Variants in OPN5 observed in about 807,000 individuals in gnomAD.
The protein encoded by OPN5 is opsin 5, also known as opsin-5.
Under a neutral mutation model 41.7 loss-of-function variants are expected in OPN5, and 18 were observed. The ratio of observed to expected loss-of-function variants is 0.43; its 90% CI spans 0.30 to 0.64. OPN5 has a LOEUF of 0.64. OPN5 is among the 30% of genes least tolerant of loss of function. The pLI is 0.13. For missense variants in OPN5, 318 were observed against 434.5 expected, an observed-to-expected ratio of 0.73 and a Z score of 2.38; for synonymous variants, 178 against 164.3, an observed-to-expected ratio of 1.08 and a Z score of -0.64.
chr6:47,814,120 A>T (rs970386260), intron 6 of OPN5, among the ~76,000 whole-genome samples: 1 of 152,102 alleles, frequency 6.6e-6, no homozygotes, highest in African/African-American at 2.4e-5. Flanking sequence ...TAAAAGAGAA[A>T]TTGCTGGTTT....
At position 47,784,905 on chromosome 6, in the gene OPN5, T is replaced by C. The variant is rs1409421479; in HGVS notation, c.131-1610T>C. 2.6e-5 allele frequency among the ~76,000 whole-genome samples: 4 copies of C among 152,200 alleles called. No homozygotes were observed. The East Asian group carries it at 5.8e-4, about 22-fold the overall frequency. On this transcript the variant is annotated intron_variant, in intron 1 of 6. Transcript: ENST00000371211. The stretch of plus-strand genomic sequence containing the variant: ...CTTCTTAATCTGGTTGTCTTTTCAG[T>C]AATATTAAGAATAAATTTGCTTTTT...
intron 6 of OPN5, among the ~76,000 whole-genome samples, chr6:47,820,818 C>T (rs960703851): frequency 9.9e-5 from 15 of 152,110 alleles, no homozygotes; most frequent in African/African-American, 3.4e-4. Flanking sequence ...ACTGATCAGC[C>T]ATGTAGTTGA....
chr6:47,808,390 C>T, exon 5 of OPN5: 1 of 1,613,988 alleles, frequency 6.2e-7, no homozygotes. Context: ...CTCTGGAAGG[C>T]TTCAGGTAAA....
chr6:47,814,849 T>C (rs1762384126), intron 6 of OPN5, among the ~76,000 whole-genome samples: 1 of 152,170 alleles, frequency 6.6e-6, no homozygotes. Context: ...CCTGTTCTCC[T>C]TTGGGTTCTC....
intron 6 of OPN5, among the ~76,000 whole-genome samples, chr6:47,818,865 T>C (rs1036445479): frequency 6.6e-6 from 1 of 152,086 alleles, no homozygotes; most frequent in Non-Finnish European, 1.5e-5. Context: ...GTATTGAGGC[T>C]GAGCAAATAT....
chr6:47,788,786 G>C (rs535614869), intron 2 of OPN5, among the ~76,000 whole-genome samples: 48 of 119,636 alleles, frequency 4.0e-4, no homozygotes, highest in Non-Finnish European at 7.2e-4. Flanking sequence ...GGATAAAGTC[G>C]TGTTATATTA....
At chr6:47,824,166 C>A in exon 7 of OPN5, 2 of 615,678 alleles carry the variant, frequency 3.2e-6, no homozygotes, top group Non-Finnish European at 5.8e-6. Context: ...TAGGAGTATC[C>A]AAGTATCTTA....
intron 6 of OPN5, among the ~76,000 whole-genome samples, chr6:47,817,465 A>G (rs1042230839): frequency 2.0e-5 from 3 of 151,910 alleles, no homozygotes; most frequent in Non-Finnish European, 2.9e-5. Flanking sequence ...AGGAGTTTAA[A>G]CTCGTTAATG....
chr6:47,806,924 G>T (rs1253985674), intron 4 of OPN5, among the ~76,000 whole-genome samples: 1 of 152,150 alleles, frequency 6.6e-6, no homozygotes. Context: ...TTGGGAAGCC[G>T]AGGTGGGTGG....
chr6:47,809,956 G>T (rs559355992), intron 5 of OPN5, among the ~76,000 whole-genome samples: 1 of 152,282 alleles, frequency 6.6e-6, no homozygotes, highest in Admixed American at 6.5e-5. Context: ...TCGTAATTTT[G>T]CCTCAGACTG....
intron 3 of OPN5, 117 bp from the exon 4 acceptor site, chr6:47,795,112 C>T (rs1773499991): frequency 3.6e-6 from 3 of 823,936 alleles, no homozygotes; most frequent in Non-Finnish European, 3.7e-6. Flanking sequence ...AGTTATCTGC[C>T]CAGGTCTCCC....
At chr6:47,801,324 T>C (rs1386053144) in intron 4 of OPN5, among the ~76,000 whole-genome samples, 3 of 152,260 alleles carry the variant, frequency 2.0e-5, no homozygotes, top group Non-Finnish European at 4.4e-5. Flanking sequence ...ACTCTGGCTC[T>C]AGGGCCTCTG....
At chr6:47,790,397 C>G (rs1274596991) in intron 2 of OPN5, among the ~76,000 whole-genome samples, 2 of 146,812 alleles carry the variant, frequency 1.4e-5, no homozygotes, top group African/African-American at 4.8e-5. Flanking sequence ...GGGACACTCT[C>G]TCTCTCTTTC....
At chr6:47,791,619 A>C (rs747156694) in intron 2 of OPN5, among the ~76,000 whole-genome samples, 183 bp from the exon 3 acceptor site, 7 of 152,178 alleles carry the variant, frequency 4.6e-5, no homozygotes, top group Non-Finnish European at 7.3e-5. Context: ...GGTAGCTTCA[A>C]ACTGAGTTTA....
At chr6:47,800,889 A>G (rs1454685617) in intron 4 of OPN5, among the ~76,000 whole-genome samples, 1 of 152,212 alleles carries the variant, frequency 6.6e-6, no homozygotes, top group Admixed American at 6.5e-5. Flanking sequence ...TCTAAATATT[A>G]TTATGCTATA....
At chr6:47,815,345 G>A (rs1762398637) in intron 6 of OPN5, among the ~76,000 whole-genome samples, 1 of 151,908 alleles carries the variant, frequency 6.6e-6, no homozygotes, top group African/African-American at 2.4e-5. Flanking sequence ...ACAAATCTAC[G>A]AATAAAAATG....
chr6:47,792,085 C>T, intron 3 of OPN5, 113 bp downstream of exon 3: 1 of 706,516 alleles, frequency 1.4e-6, no homozygotes, highest in Non-Finnish European at 2.3e-6. Context: ...CCTCAGAGAT[C>T]AAGAATATTT....
chr6:47,813,068 A>AAAC (rs70999651), intron 6 of OPN5, among the ~76,000 whole-genome samples: 12,974 of 139,086 alleles, frequency 0.093, 639 homozygotes, highest in Admixed American at 0.18. Flanking sequence ...TCTATGATTA[A>AAAC]AACAACAACA....
intron 6 of OPN5, among the ~76,000 whole-genome samples, chr6:47,818,722 G>A (rs988483634): frequency 1.3e-5 from 2 of 152,170 alleles, no homozygotes; most frequent in East Asian, 1.9e-4. Context: ...TTTCGGTATT[G>A]TTAGATGAGA....
Sources: allele counts gnomAD v4.1 joint callset (sites outside exome capture counted in the v4.1 genomes callset), GRCh38; gene constraint gnomAD v4.1.1; transcripts MANE v1.5; gene names NCBI Gene and HGNC (gene_info 2026-07-23, HGNC 2026-07-21).